CHAMP1: variants seen among roughly 807,000 people sequenced by gnomAD.
CHAMP1 encodes the protein chromosome alignment-maintaining phosphoprotein 1.
CHAMP1 carries 4 observed loss-of-function variants against 54.5 expected under a neutral mutation model. That is an observed-to-expected ratio of 0.07 (90% CI 0.04 to 0.17). The LOEUF is 0.17. Ranked by LOEUF, CHAMP1 falls within the 10% of genes least tolerant of loss-of-function variation. The pLI, the probability that CHAMP1 is intolerant of heterozygous loss-of-function variation, is 1.00. For synonymous variants in CHAMP1, 368 were observed against 342.2 expected (o/e 1.08, Z -0.83); for missense variants, 994 against 968.6 (o/e 1.03, Z -0.35).
Position 114,325,711 on chromosome 13 carries a change from C to T in CHAMP1, c.1869C>T (p.Asn623=), listed in dbSNP as rs782577622. 9.3e-6 allele frequency: 15 copies of T among 1,613,744 alleles called. No individual in the cohort carries two copies. The highest frequency in any genetic ancestry group is 1.2e-5 in the Non-Finnish European group (14 of 1,179,974). The change falls in exon 3 of 3, where the codon AAC becomes AAT. Residue 623 remains asparagine, a synonymous_variant. Transcript: ENST00000361283. The part of the protein sequence containing the change: ...FPSSKKLKKD[N]QESSDAELSS... ...CCTCAAAGAAGCTCAAGAAAGACAA[C>T]CAAGAGAGCTCAGACGCTGAGCTTA...
intron 2 of CHAMP1, among the ~76,000 whole-genome samples, chr13:114,321,737 C>T (rs1277903805): frequency 1.3e-5 from 2 of 151,986 alleles, no homozygotes; most frequent in East Asian, 1.9e-4. Flanking sequence ...CATTCAATTA[C>T]GTTTGTAAGT....
At chr13:114,316,752 AT>A (rs201616810) in intron 1 of CHAMP1, among the ~76,000 whole-genome samples, 3,368 of 136,746 alleles carry the variant, frequency 0.025, 36 homozygotes, top group Non-Finnish European at 0.035. Flanking sequence ...AGTGCTTTGG[AT>A]TTTTTTTTTT....
chr13:114,325,647 C>G lies in CHAMP1; in HGVS notation c.1805C>G (p.Ala602Gly), dbSNP rs199623229. 5 of 1,614,150 alleles carry G rather than the reference C, an allele frequency of 3.1e-6. No homozygotes were observed. The highest frequency in any genetic ancestry group is 1.6e-4 in the Middle Eastern group (1 of 6,062). ...ATTTTGGTTCAGGAAGAACTTCTAG[C>G]TTCACCTAAGAAACTCTTAGAAGAT... Reference protein sequence around the residue: ...CDILVQEELLASPKKLLEDTL... With the variant: ...CDILVQEELLGSPKKLLEDTL... The change falls in exon 3 of 3, where the codon GCT (alanine) becomes GGT (glycine). Residue 602 changes from alanine to glycine, a missense_variant. Physicochemically the swap from Ala to Gly is moderately conservative, Grantham distance 60 (BLOSUM62 0). Coordinates refer to ENST00000361283, the MANE Select transcript of CHAMP1 (RefSeq NM_032436.4).
In CHAMP1 at chr13:114,326,349, CAGAT is replaced by C; in HGVS notation, c.*71_*74del. 6.7e-7 allele frequency: 1 copy of C among 1,485,294 alleles called. No homozygotes were observed. The highest frequency in any genetic ancestry group is 9.0e-7 in the Non-Finnish European group (1 of 1,113,480). 92.0% of individuals were successfully genotyped at this position (1,485,294 alleles called of 1,614,324 possible). On this transcript the variant is annotated 3_prime_UTR_variant, in exon 3 of 3. Coordinates refer to ENST00000361283, the MANE Select transcript of CHAMP1 (RefSeq NM_032436.4). ...ACCATTCTTTGTAAGTATAGCTTAT[CAGAT>C]AGCATAGTTGGATCAGTAGATGACA...
chr13:114,324,756 C>T lies in CHAMP1; in HGVS notation c.914C>T (p.Pro305Leu), dbSNP rs782188918. 6.2e-7 allele frequency: 1 copy of T among 1,614,062 alleles called. No homozygotes were observed. Among genetic ancestry groups the T allele is most frequent in the Admixed American group, 1.7e-5 (1 of 60,026 alleles). ...TCCCCAGAGCCTAGGAGACCAGCCC[C>T]CGCTGTGTCACCAGGCTCTTGGAAA... is the stretch of plus-strand genomic sequence containing the variant. ...AVSPEPRRPA[P>L]AVSPGSWKPG... The change falls in exon 3 of 3, where the codon CCC becomes CTC. Residue 305 changes from proline to leucine, a missense_variant. By Grantham distance (98) the Pro-to-Leu change is moderately conservative. Around this residue, in one of 3 missense-constraint regions of CHAMP1, gnomAD observed 851 missense variants for 701.3 expected, o/e 1.21. Transcript: ENST00000361283.
rs959802660 is a variant in CHAMP1, at chr13:114,316,459, G to A, written c.-179+1816G>A. ...ATTACAGGCGTGAGCCTGTGGTGGC[G>A]CGCGCCTGTAGTCCCAGCTACTGGG... On this transcript the variant is annotated intron_variant, in intron 1 of 2. Transcript: ENST00000361283. 6.6e-5 allele frequency among the ~76,000 whole-genome samples: 10 copies of A among 151,662 alleles called. No homozygotes were observed. In the East Asian group the frequency reaches 8.0e-4, roughly 12 times the overall value.
In CHAMP1 at chr13:114,325,129, G is replaced by A. The variant is rs1213649075; in HGVS notation, c.1287G>A (p.Glu429=). Residue 429 remains glutamate, a synonymous_variant, in exon 3 of 3, where the codon GAG becomes GAA. Transcript: ENST00000361283. The part of the protein sequence containing the change: ...LRKPGPPLSP[E]IRSPAGSPEL... Reference sequence around the variant, plus strand: ...AACCCGGCCCACCACTATCCCCAGAGATCCGTAGTCCAGCAGGATCTCCAG... The same window carrying A: ...AACCCGGCCCACCACTATCCCCAGAAATCCGTAGTCCAGCAGGATCTCCAG... The A allele has an allele frequency of 1.9e-6, 3 of 1,614,006 alleles. No individual in the cohort carries two copies. Among genetic ancestry groups the A allele is most frequent in the Non-Finnish European group, 2.5e-6 (3 of 1,180,046 alleles).
Position 114,321,250 on chromosome 13 carries a change from A to G in CHAMP1, c.-56+18A>G, listed in dbSNP as rs565625979. On this transcript the variant is annotated intron_variant, in intron 2 of 2. Transcript: ENST00000361283. The stretch of plus-strand genomic sequence containing the variant: ...GACAGCAGGTAAGTCTAGTAGGGAA[A>G]GCATGCTTAGGAGAATATTTTATGA... The G allele has an allele frequency of 2.0e-5, 3 of 151,980 alleles. No individual in the cohort carries two copies. Among genetic ancestry groups the G allele is most frequent in the Admixed American group, 6.6e-5 (1 of 15,266 alleles). 9.4% of individuals were successfully genotyped at this position (151,980 alleles called of 1,614,324 possible).
chr13:114,324,405 C>T lies in CHAMP1; in HGVS notation c.563C>T (p.Pro188Leu). Residue 188 changes from proline (P) to leucine (L), a missense_variant, in exon 3 of 3, where the codon CCA becomes CTA. Transcript: ENST00000361283. The stretch of plus-strand genomic sequence containing the variant: ...GCCTCTGTTTCTTCTCCTGAACCTC[C>T]AAAATCAGTCCCTGTTTGTGAGTCT... Reference protein sequence around the residue: ...KPASVSSPEPPKSVPVCESQK... With the variant: ...KPASVSSPEPLKSVPVCESQK... 8 of 1,614,144 alleles carry T rather than the reference C, an allele frequency of 5.0e-6. No homozygotes were observed. Among genetic ancestry groups the T allele is most frequent in the Non-Finnish European group, 6.8e-6 (8 of 1,180,022 alleles).
rs1555379965 is a variant in CHAMP1, at chr13:114,325,935, T to C, written c.2093T>C (p.Ile698Thr). The C allele has an allele frequency of 6.2e-7, 1 of 1,614,148 alleles. No individual in the cohort carries two copies. The highest frequency in any genetic ancestry group is 8.5e-7 in the Non-Finnish European group (1 of 1,180,020). The change falls in exon 3 of 3, where the codon ATT becomes ACT. Residue 698 changes from isoleucine (I) to threonine (T), a missense_variant. By Grantham distance (89) the Ile-to-Thr change is moderately conservative. Coordinates refer to ENST00000361283, the MANE Select transcript of CHAMP1 (RefSeq NM_032436.4). ...EKEAFISEEE[I>T]AKYMKRGKGK... ...GAAGCTTTTATCTCTGAAGAGGAGA[T>C]TGCAAAATACATGAAGCGTGGAAAA...
At position 114,327,233 on chromosome 13, in the gene CHAMP1, A is replaced by C. The variant is rs1378552118; in HGVS notation, c.*952A>C. ...TATGTTTTTCAATTATGTTACTGTA[A>C]ATACCTTGTACCTGTTCATGGATTA... On this transcript the variant is annotated 3_prime_UTR_variant, in exon 3 of 3. Coordinates refer to ENST00000361283, the MANE Select transcript of CHAMP1 (RefSeq NM_032436.4). 6.0e-6 allele frequency: 1 copy of C among 165,948 alleles called. No homozygotes were observed. The highest frequency in any genetic ancestry group is 2.4e-5 in the African/African-American group (1 of 41,406). 10.3% of individuals were successfully genotyped at this position (165,948 alleles called of 1,614,324 possible).
chr13:114,317,184 A>G (rs1566787909), intron 1 of CHAMP1, among the ~76,000 whole-genome samples: 2 of 151,934 alleles, frequency 1.3e-5, no homozygotes, highest in Admixed American at 6.5e-5. Flanking sequence ...CGCCCAGCTA[A>G]TTTTTGTATT....
intron 2 of CHAMP1, among the ~76,000 whole-genome samples, 178 bp downstream of exon 2, chr13:114,321,410 T>C (rs1326005104): frequency 6.6e-6 from 1 of 152,138 alleles, no homozygotes; most frequent in African/African-American, 2.4e-5. Flanking sequence ...TGTAGCATTC[T>C]TTGTAGATTT....
Position 114,324,232 on chromosome 13 carries a change from T to G in CHAMP1, c.390T>G (p.Leu130=), listed in dbSNP as rs540964802. 1.9e-6 allele frequency: 3 copies of G among 1,614,158 alleles called. No homozygotes were observed. In the East Asian group the frequency reaches 6.7e-5, roughly 36 times the overall value. ...NSAEPKSIPA[L]SMETQKLGSV... is the part of the protein sequence containing the mutation. ...CAGAACCAAAATCCATACCTGCCCT[T>G]TCAATGGAAACACAGAAACTTGGTT... Residue 130 remains leucine (L), a synonymous_variant, in exon 3 of 3, where the codon CTT becomes CTG. Transcript: ENST00000361283.
In CHAMP1 at chr13:114,324,506, C is replaced by G. The variant is rs1382612782; in HGVS notation, c.664C>G (p.Leu222Val). The G allele has an allele frequency of 1.2e-6, 2 of 1,614,212 alleles. No homozygotes were observed. The highest frequency in any genetic ancestry group is 1.7e-6 in the Non-Finnish European group (2 of 1,180,036). ...PVSPESVKATLSNPKPQKQSH... is the reference protein window; with the variant it reads ...PVSPESVKATVSNPKPQKQSH... The stretch of plus-strand genomic sequence containing the variant: ...ATCTCCTGAGTCAGTAAAGGCTACT[C>G]TTAGTAATCCCAAACCCCAGAAGCA... The change falls in exon 3 of 3, where the codon CTT becomes GTT. Residue 222 changes from leucine to valine, a missense_variant. This residue lies in a region of CHAMP1 where 851 missense variants were observed against 701.3 expected (regional missense o/e 1.21). Transcript: ENST00000361283.
Position 114,326,559 on chromosome 13 carries a change from A to G in CHAMP1, c.*278A>G, listed in dbSNP as rs1485210228. The G allele has an allele frequency of 3.6e-6, 1 of 280,868 alleles. No individual in the cohort carries two copies. The highest frequency in any genetic ancestry group is 7.0e-6 in the Non-Finnish European group (1 of 143,742). The allele number at this position is 280,868 out of a possible 1,614,324, so 17.4% of individuals were successfully genotyped here. On this transcript the variant is annotated 3_prime_UTR_variant, in exon 3 of 3. Coordinates refer to ENST00000361283, the MANE Select transcript of CHAMP1 (RefSeq NM_032436.4). ...TGAATAATAATACAAGGAAGTAGGC[A>G]TTCCATTTAATAATCAAGAGCAAGT...
intron 1 of CHAMP1, among the ~76,000 whole-genome samples, chr13:114,319,406 A>G (rs773448507): frequency 4.6e-5 from 7 of 152,140 alleles, no homozygotes; most frequent in African/African-American, 7.2e-5. Context: ...GGGATGTGCA[A>G]CGGTTCCAGA....
intron 1 of CHAMP1, among the ~76,000 whole-genome samples, chr13:114,319,490 G>T (rs1363133780): frequency 6.6e-6 from 1 of 152,228 alleles, no homozygotes; most frequent in Non-Finnish European, 1.5e-5. Flanking sequence ...TGTAGTGCCA[G>T]AGGGTGACAT....
At position 114,325,765 on chromosome 13, in the gene CHAMP1, G is replaced by T; in HGVS notation, c.1923G>T (p.Leu641Phe). ...GTAGTGAGTACATAAAAACAGATTT[G>T]GATGCGATGGATATTAAGGGCCAGG... The part of the protein sequence containing the change: ...LSSSEYIKTD[L>F]DAMDIKGQES... Residue 641 changes from leucine (L) to phenylalanine (F), a missense_variant, in exon 3 of 3, where the codon TTG (leucine) becomes TTT (phenylalanine). Around this residue, in one of 3 missense-constraint regions of CHAMP1, gnomAD observed 851 missense variants for 701.3 expected, o/e 1.21. Coordinates refer to ENST00000361283, the MANE Select transcript of CHAMP1 (RefSeq NM_032436.4). The T allele has an allele frequency of 6.2e-7, 1 of 1,614,116 alleles. No individual in the cohort carries two copies. Among genetic ancestry groups the T allele is most frequent in the South Asian group, 1.1e-5 (1 of 91,066 alleles).
Sources: gnomAD v4.1 joint callset for allele counts (sites outside exome capture counted in the v4.1 genomes callset) on GRCh38, gnomAD v4.1.1 for gene constraint, gnomAD v4.1.1 regional missense constraint, MANE v1.5 for transcripts, NCBI Gene and HGNC (gene_info 2026-07-23, HGNC 2026-07-21) for gene names.